Variants in GOLGA1 observed in about 807,000 individuals in gnomAD.
GOLGA1 encodes the protein golgin subfamily A member 1.
In GOLGA1, 63 loss-of-function variants were observed where a neutral mutation model predicts 119.7. The observed-to-expected ratio is 0.53, with a 90% CI of 0.43 to 0.65. The LOEUF is 0.65. GOLGA1 is among the 30% of genes least tolerant of loss of function. The probability of loss-of-function intolerance (pLI) is 0.00; values close to 1 mark genes in which losing one functional copy is unlikely to be tolerated. For synonymous variants in GOLGA1, 318 were observed against 333.4 expected (o/e 0.95, Z 0.50); for missense variants, 798 against 912.8 (o/e 0.87, Z 1.62).
Position 124,880,611 on chromosome 9 carries a change from C to G in GOLGA1, c.2224-1G>C. 1 of 1,596,650 alleles carries G rather than the reference C, an allele frequency of 6.3e-7. No individual in the cohort carries two copies. The highest frequency in any genetic ancestry group is 2.2e-5 in the East Asian group (1 of 44,676). On this transcript the variant is annotated splice_acceptor_variant, in intron 22 of 22. Coordinates refer to ENST00000373555, the MANE Select transcript of GOLGA1 (RefSeq NM_002077.4). LOFTEE classifies it high-confidence loss of function. Reference sequence around the variant, plus strand: ...CTGGTTTGGACCCAAACCATGACATCTGCATTTGAAACAGAAAAGGCTTCT... The same window carrying G: ...CTGGTTTGGACCCAAACCATGACATGTGCATTTGAAACAGAAAAGGCTTCT...
At chr9:124,936,268 T>C (rs1199746050) in intron 3 of GOLGA1, among the ~76,000 whole-genome samples, 2 of 151,622 alleles carry the variant, frequency 1.3e-5, no homozygotes, top group Non-Finnish European at 2.9e-5. Flanking sequence ...GATCTGGTAA[T>C]CTTATTGCTC....
chr9:124,888,767 C>T lies in GOLGA1; in HGVS notation c.1762-371G>A, dbSNP rs1412963648. On this transcript the variant is annotated intron_variant, in intron 18 of 22. Transcript: ENST00000373555. The surrounding 1 kb of genome is among the most constrained non-coding windows in gnomAD (Gnocchi z 4.4). ...CCAGGCTGGAGTGCAGTGGCGCAAT[C>T]TCGGCTCCACCAAGCTCCGCCTCCC... 2.6e-5 allele frequency among the ~76,000 whole-genome samples: 4 copies of T among 152,188 alleles called. No individual in the cohort carries two copies. The highest frequency in any genetic ancestry group is 4.4e-5 in the Non-Finnish European group (3 of 68,024).
chr9:124,931,019 C>T lies in GOLGA1; in HGVS notation c.226+297G>A, dbSNP rs190533558. ...CCATCCCTTTCCACCTGAAAGCAGG[C>T]TATGCTAATGGTGGAAGATGGTCAA... On this transcript the variant is annotated intron_variant, in intron 4 of 22. Transcript: ENST00000373555. Among the ~76,000 whole-genome samples the T allele has an allele frequency of 3.9e-5, 6 of 152,268 alleles. No homozygotes were observed. The East Asian group carries it at 1.2e-3, about 29-fold the overall frequency.
At chr9:124,928,595 C>A (rs971413507) in intron 5 of GOLGA1, among the ~76,000 whole-genome samples, 5 of 152,036 alleles carry the variant, frequency 3.3e-5, no homozygotes, top group Admixed American at 2.6e-4. Flanking sequence ...GGTAGGTTGC[C>A]AGAAAACATC....
Position 124,880,547 on chromosome 9 carries a change from G to A in GOLGA1, c.2287C>T (p.Arg763Trp), listed in dbSNP as rs143825735. The A allele has an allele frequency of 3.6e-4, 580 of 1,603,068 alleles. 1 individual carries two copies. Among genetic ancestry groups the A allele is most frequent in the Non-Finnish European group, 4.7e-4 (546 of 1,170,202 alleles). The change falls in exon 23 of 23, where the codon CGG becomes TGG. Residue 763 changes from arginine to tryptophan, a missense_variant. Transcript: ENST00000373555. ...AGTCCCCTCTAGGACCATGGTATCC[G>A]AGGGTTTGAGATAGACGGCCGGATG... ...GSIRPSISNPRIPWS is the reference protein window; with the variant it reads ...GSIRPSISNPWIPWS
At chr9:124,913,150 C>T (rs972381707) in intron 10 of GOLGA1, among the ~76,000 whole-genome samples, 1 of 152,120 alleles carries the variant, frequency 6.6e-6, no homozygotes, top group African/African-American at 2.4e-5. Flanking sequence ...AAACCATCAG[C>T]TCTCATGAGA....
intron 19 of GOLGA1, among the ~76,000 whole-genome samples, chr9:124,884,408 G>A (rs1395868835): frequency 6.6e-6 from 1 of 152,204 alleles, no homozygotes; most frequent in Non-Finnish European, 1.5e-5. Context: ...GCACAGCGTG[G>A]CTGGAATTGT....
Position 124,900,512 on chromosome 9 carries a change from C to T in GOLGA1, c.1101G>A (p.Glu367=). 6.2e-7 allele frequency: 1 copy of T among 1,600,732 alleles called. No individual in the cohort carries two copies. Among genetic ancestry groups the T allele is most frequent in the Non-Finnish European group, 8.6e-7 (1 of 1,167,888 alleles). ...RELEQTLQAS[E]EQLQQSKGIV... ...TGCCCTTGCTCTGTTGGAGCTGCTCCTCAGAGGCCTGCAAGGTCTGCTCCA... is the reference window on the plus strand; with the variant it reads ...TGCCCTTGCTCTGTTGGAGCTGCTCTTCAGAGGCCTGCAAGGTCTGCTCCA... The change falls in exon 13 of 23, where the codon GAG becomes GAA. Residue 367 remains glutamate, a synonymous_variant. Coordinates refer to ENST00000373555, the MANE Select transcript of GOLGA1 (RefSeq NM_002077.4).
At chr9:124,919,121 G>A (rs578008368) in intron 10 of GOLGA1, among the ~76,000 whole-genome samples, 27 of 152,032 alleles carry the variant, frequency 1.8e-4, no homozygotes, top group African/African-American at 6.5e-4. Context: ...GCCTGTTGTA[G>A]TGGCATGTGT....
Position 124,889,212 on chromosome 9 carries a change from C to T in GOLGA1, c.1692G>A (p.Ala564=), listed in dbSNP as rs772430942. 27 of 1,612,852 alleles carry T rather than the reference C, an allele frequency of 1.7e-5. No individual in the cohort carries two copies. The highest frequency in any genetic ancestry group is 3.3e-5 in the South Asian group (3 of 91,038). ...GCAGCCTCAGCAGGTCCTCCTGCTC[C>T]GCGACCACTGCAGCCTCCTCCGCCT... ...TLKAEEAAVV[A]EQEDLLRLRG... is the part of the protein sequence containing the mutation. The change falls in exon 18 of 23, where the codon GCG becomes GCA. Residue 564 remains alanine, a synonymous_variant. Coordinates refer to ENST00000373555, the MANE Select transcript of GOLGA1 (RefSeq NM_002077.4).
intron 19 of GOLGA1, among the ~76,000 whole-genome samples, chr9:124,882,925 A>G (rs593351): frequency 0.96 from 146,247 of 152,212 alleles, 70,523 homozygotes; most frequent in East Asian, 1. Flanking sequence ...CTCAAAATTC[A>G]ATTTTTATGC....
In GOLGA1 at chr9:124,890,422, C is replaced by A. The variant is rs750436692; in HGVS notation, c.1464G>T (p.Glu488Asp). 1.2e-6 allele frequency: 2 copies of A among 1,613,686 alleles called. No homozygotes were observed. Among genetic ancestry groups the A allele is most frequent in the Non-Finnish European group, 1.7e-6 (2 of 1,179,680 alleles). The change falls in exon 16 of 23, where the codon GAG becomes GAT. Residue 488 changes from glutamate to aspartate, a missense_variant. Transcript: ENST00000373555. ...VSVAMAQALE[E>D]VRKQREEFQQ... is the part of the protein sequence containing the mutation. ...GGAACTCTTCCCTTTGCTTCCGCAC[C>A]TCCTCCAGGGCTTGAGCCATGGCCA...
At chr9:124,944,762 T>C (rs1831115945), upstream of GOLGA1, 1 of 152,216 alleles carries the variant, frequency 6.6e-6, no homozygotes, top group African/African-American at 2.4e-5. Context: ...TCAAATTTTA[T>C]ACTTATTCAT....
chr9:124,922,814 T>C (rs1830596689), intron 8 of GOLGA1, among the ~76,000 whole-genome samples: 1 of 151,798 alleles, frequency 6.6e-6, no homozygotes. Flanking sequence ...CAAATTTCTA[T>C]AACATTTTTG....
chr9:124,929,174 A>G, intron 5 of GOLGA1, 42 bp downstream of exon 5: 1 of 1,194,930 alleles, frequency 8.4e-7, no homozygotes, highest in Non-Finnish European at 1.2e-6. Context: ...TTCAAAAACT[A>G]AACCTTGAAA....
upstream of GOLGA1, among the ~76,000 whole-genome samples, chr9:124,941,466 C>A (rs867937375): frequency 6.6e-6 from 1 of 152,202 alleles, no homozygotes; most frequent in East Asian, 1.9e-4. Context: ...GCCAGGCGCC[C>A]CCCCGCGCCG....
intron 13 of GOLGA1, chr9:124,900,003 T>G (rs1320095679): frequency 5.3e-6 from 1 of 187,316 alleles, no homozygotes; most frequent in African/African-American, 2.3e-5. Context: ...TGCATAGCAC[T>G]GAGCACAGTG....
At chr9:124,915,680 T>C (rs1830425057) in intron 10 of GOLGA1, among the ~76,000 whole-genome samples, 1 of 152,066 alleles carries the variant, frequency 6.6e-6, no homozygotes, top group Admixed American at 6.6e-5. Context: ...GGAGATCTTT[T>C]CTCTACAAAA....
chr9:124,883,866 C>G (rs984811696), intron 19 of GOLGA1, among the ~76,000 whole-genome samples: 1 of 151,676 alleles, frequency 6.6e-6, no homozygotes, highest in African/African-American at 2.4e-5. Flanking sequence ...GGGACTACAG[C>G]TGTGCGCCAC....
Sources: allele counts gnomAD v4.1 joint callset (sites outside exome capture counted in the v4.1 genomes callset), GRCh38; gene constraint gnomAD v4.1.1; non-coding constraint Gnocchi (gnomAD v3.1); transcripts MANE v1.5; gene names NCBI Gene and HGNC (gene_info 2026-07-23, HGNC 2026-07-21).